The following ADGRG6 variants were observed in gnomAD, a reference collection of about 807,000 sequenced individuals.
ADGRG6 encodes adhesion G protein-coupled receptor G6.
ADGRG6 carries 84 observed loss-of-function variants against 142.4 expected under a neutral mutation model. That is an observed-to-expected ratio of 0.59 (90% CI 0.49 to 0.71). The LOEUF (loss-of-function observed/expected upper bound fraction) is 0.71. Ranked by LOEUF, ADGRG6 falls within the 30% of genes least tolerant of loss-of-function variation. The pLI, the probability that ADGRG6 is intolerant of heterozygous loss-of-function variation, is 0.00. For missense variants in ADGRG6, 1,367 were observed against 1,466.6 expected (o/e 0.93, Z 1.11); for synonymous variants, 521 against 520.5 (o/e 1.00, Z -0.01).
At chr6:142,339,885 C>A (rs2114712750) in intron 2 of ADGRG6, among the ~76,000 whole-genome samples, 1 of 152,192 alleles carries the variant, frequency 6.6e-6, no homozygotes, top group Admixed American at 6.5e-5. Flanking sequence ...TGCTCTTTAA[C>A]ATAATAGGAT....
chr6:142,314,457 C>T (rs1467652995), intron 2 of ADGRG6, among the ~76,000 whole-genome samples: 1 of 152,158 alleles, frequency 6.6e-6, no homozygotes, highest in Non-Finnish European at 1.5e-5. Context: ...TTAGACGAGG[C>T]ACACCAGCAT....
chr6:142,353,397 A>G (rs1780280383), intron 2 of ADGRG6, among the ~76,000 whole-genome samples: 1 of 152,222 alleles, frequency 6.6e-6, no homozygotes, highest in South Asian at 2.1e-4. Context: ...ATCATGATTT[A>G]TATCAAACAT....
chr6:142,372,059 C>T (rs995020912), intron 4 of ADGRG6, among the ~76,000 whole-genome samples: 6 of 152,062 alleles, frequency 3.9e-5, no homozygotes, highest in South Asian at 2.1e-4. Context: ...CTTTGTGAGA[C>T]TGTAAATGTG....
chr6:142,377,068 C>A (rs924990004), intron 4 of ADGRG6, among the ~76,000 whole-genome samples: 2 of 152,064 alleles, frequency 1.3e-5, no homozygotes, highest in South Asian at 4.2e-4. Flanking sequence ...TGCCTGTTTC[C>A]AGTGATTACA....
In ADGRG6 at chr6:142,365,531, A is replaced by T. The variant is rs540624783; in HGVS notation, c.104-2038A>T. Among the ~76,000 whole-genome samples, 78 of 152,334 alleles carry T rather than the reference A, an allele frequency of 5.1e-4. 1 individual carries two copies. In the Middle Eastern group the frequency reaches 0.017, roughly 33 times the overall value. ...ATTTACAATAAGAAAATCATCTCAC[A>T]AATGGAAGTAACACAAGTCCTCTGA... On this transcript the variant is annotated intron_variant, in intron 2 of 24. Coordinates refer to ENST00000367609, the MANE Select transcript of ADGRG6 (RefSeq NM_198569.3).
chr6:142,362,736 T>C (rs1420037091), intron 2 of ADGRG6, among the ~76,000 whole-genome samples: 1 of 152,202 alleles, frequency 6.6e-6, no homozygotes, highest in Non-Finnish European at 1.5e-5. Context: ...TAAAATGTTA[T>C]TGATATTTTA....
intron 2 of ADGRG6, among the ~76,000 whole-genome samples, chr6:142,325,008 C>T (rs1391690385): frequency 2.0e-5 from 3 of 152,116 alleles, no homozygotes; most frequent in African/African-American, 7.2e-5. Flanking sequence ...GAATGAGGCA[C>T]AACCATGCAT....
intron 14 of ADGRG6, among the ~76,000 whole-genome samples, chr6:142,404,633 G>A (rs1458637410): frequency 2.6e-5 from 4 of 152,028 alleles, no homozygotes; most frequent in Non-Finnish European, 4.4e-5. Context: ...GACAGAGCAA[G>A]ACTCTGTCTC....
rs143323863 is a variant in ADGRG6 at position 142,351,181 on chromosome 6, G to A, written c.104-16388G>A. On this transcript the variant is annotated intron_variant, in intron 2 of 24. Coordinates refer to ENST00000367609, the MANE Select transcript of ADGRG6 (RefSeq NM_198569.3). Reference sequence around the variant, plus strand: ...CAGGAGGCGGAGCTTGCAGTGAGCCGAGATTGCGCCACTGCACTCCAGCCT... The same window carrying A: ...CAGGAGGCGGAGCTTGCAGTGAGCCAAGATTGCGCCACTGCACTCCAGCCT... Among the ~76,000 whole-genome samples the A allele has an allele frequency of 1.4e-3, 214 of 152,016 alleles. 2 individuals carry two copies. Among genetic ancestry groups the A allele is most frequent in the African/African-American group, 4.7e-3 (193 of 41,334 alleles).
At chr6:142,429,508 A>T (rs755804566) in intron 22 of ADGRG6, among the ~76,000 whole-genome samples, 8 of 152,162 alleles carry the variant, frequency 5.3e-5, no homozygotes, top group Non-Finnish European at 1.0e-4. Flanking sequence ...CCTTGGTAGT[A>T]TGAAAGGAGG....
chr6:142,440,660 C>T (rs571240691), intron 24 of ADGRG6, among the ~76,000 whole-genome samples: 1 of 152,208 alleles, frequency 6.6e-6, no homozygotes, highest in Non-Finnish European at 1.5e-5. Flanking sequence ...ACCCTTGGGG[C>T]TAAATGGGTT....
At chr6:142,317,775 T>C (rs1218998417) in intron 2 of ADGRG6, among the ~76,000 whole-genome samples, 1 of 98,480 alleles carries the variant, frequency 1.0e-5, no homozygotes, top group African/African-American at 4.3e-5. Context: ...ATTTATATCA[T>C]ATATATTTAT....
At chr6:142,386,125 G>A (rs1782006494) in intron 6 of ADGRG6, among the ~76,000 whole-genome samples, 2 of 152,106 alleles carry the variant, frequency 1.3e-5, no homozygotes, top group South Asian at 4.1e-4. Context: ...AATAGAATTT[G>A]TTTTCCTGGC....
intron 18 of ADGRG6, 121 bp from the exon 19 acceptor site, chr6:142,414,848 C>G: frequency 1.7e-6 from 1 of 590,530 alleles, no homozygotes; most frequent in Non-Finnish European, 2.8e-6. Context: ...TTGATTTACA[C>G]TGTTGGTTTT....
At chr6:142,333,608 CA>C (rs1279065683) in intron 2 of ADGRG6, among the ~76,000 whole-genome samples, 1 of 152,074 alleles carries the variant, frequency 6.6e-6, no homozygotes, top group Non-Finnish European at 1.5e-5. Flanking sequence ...CCTTGGCCAC[CA>C]AAAATGCTGG....
rs374836373 is a variant in ADGRG6, at chr6:142,420,063, T to C, written c.3278T>C (p.Ile1093Thr). The C allele has an allele frequency of 2.2e-5, 36 of 1,612,798 alleles. No homozygotes were observed. In the African/African-American group the frequency reaches 4.0e-4, roughly 18 times the overall value. Residue 1093 changes from isoleucine (I) to threonine (T), a missense_variant, in exon 22 of 25, where the codon ATC becomes ACC. By Grantham distance (89) the Ile-to-Thr change is moderately conservative. This residue lies in a region of ADGRG6 where 344 missense variants were observed against 348.7 expected (regional missense o/e 0.99). Transcript: ENST00000367609. ...FAFFAWGPLN[I>T]PFMYLFSIFN... ...TTCTTTGCCTGGGGACCCTTAAATA[T>C]CCCCTTCATGTACCTCTTCTCCATC...
At chr6:142,313,451 C>A (rs929098249) in intron 2 of ADGRG6, among the ~76,000 whole-genome samples, 1 of 152,122 alleles carries the variant, frequency 6.6e-6, no homozygotes, top group Non-Finnish European at 1.5e-5. Flanking sequence ...CTTGTTTCCA[C>A]ACAGATCGTC....
chr6:142,338,913 C>T (rs939017289), intron 2 of ADGRG6, among the ~76,000 whole-genome samples: 7 of 152,164 alleles, frequency 4.6e-5, no homozygotes, highest in Admixed American at 2.6e-4. Flanking sequence ...CAATAGCTAA[C>T]TCATTATTCC....
rs990736226 is a variant in ADGRG6 at position 142,373,615 on chromosome 6, T to C, written c.1069+2822T>C. On this transcript the variant is annotated intron_variant, in intron 4 of 24. Transcript: ENST00000367609. ...CTGTAGTGGTGCCATCAGAGATCGC[T>C]ATAACCTTGAACTTCTGGGCTCAAG... Among the ~76,000 whole-genome samples the C allele has an allele frequency of 2.0e-5, 3 of 152,202 alleles. No homozygotes were observed. The South Asian group carries it at 6.2e-4, about 31-fold the overall frequency.
Sources: allele counts gnomAD v4.1 joint callset (sites outside exome capture counted in the v4.1 genomes callset), GRCh38; gene constraint gnomAD v4.1.1; regional missense constraint gnomAD v4.1.1; transcripts MANE v1.5; gene names NCBI Gene and HGNC (gene_info 2026-07-23, HGNC 2026-07-21).